CRPPA: variants seen among roughly 807,000 people sequenced by gnomAD.
The protein encoded by CRPPA is CDP-L-ribitol pyrophosphorylase A, also known as D-ribitol-5-phosphate cytidylyltransferase.
Under a neutral mutation model 52.0 loss-of-function variants are expected in CRPPA, and 43 were observed. That is an observed-to-expected ratio of 0.83 (90% CI 0.65 to 1.07). The LOEUF (loss-of-function observed/expected upper bound fraction) is 1.07, where lower values mean the gene tolerates loss of function less well. CRPPA is among the 50% of genes least tolerant of loss of function. The pLI is 0.00. For synonymous variants in CRPPA, 250 were observed against 203.5 expected (o/e 1.23, Z -1.94); for missense variants, 629 against 551.7 (o/e 1.14, Z -1.40).
In CRPPA at chr7:16,285,246, T is replaced by C. The variant is rs997955309; in HGVS notation, c.836-7020A>G. On this transcript the variant is annotated intron_variant, in intron 5 of 9. Transcript: ENST00000407010. ...AAAATCATTTTACAACCCAGAATTGTACAAATATAATAATCTAGTCTTTTG... is the reference window on the plus strand; with the variant it reads ...AAAATCATTTTACAACCCAGAATTGCACAAATATAATAATCTAGTCTTTTG... Among the ~76,000 whole-genome samples the C allele has an allele frequency of 7.9e-5, 12 of 152,268 alleles. No individual in the cohort carries two copies. In the East Asian group the frequency reaches 2.3e-3, roughly 29 times the overall value.
In CRPPA at chr7:16,216,195, A is replaced by C. The variant is rs370671327; in HGVS notation, c.1122T>G (p.Val374=). The change falls in exon 9 of 10, where the codon GTT becomes GTG. Residue 374 remains valine (V), a splice_region_variant and synonymous_variant. Coordinates refer to ENST00000407010, the MANE Select transcript of CRPPA (RefSeq NM_001101426.4). ...GTACTAATTTAAAATCAAGAAAATG[A>C]ACCTGCAAAATATAAAAGACAGTAT... ...CILYPVVVVS[V]HFLDFKLVPP... 12 of 1,559,334 alleles carry C rather than the reference A, an allele frequency of 7.7e-6. No individual in the cohort carries two copies. In the African/African-American group the frequency reaches 1.4e-4, roughly 18 times the overall value.
intron 3 of CRPPA, among the ~76,000 whole-genome samples, chr7:16,316,080 T>C (rs1785137705): frequency 1.3e-5 from 2 of 152,130 alleles, no homozygotes; most frequent in South Asian, 4.1e-4. Context: ...TAGGACATGG[T>C]AATCTATAAA....
intron 5 of CRPPA, among the ~76,000 whole-genome samples, chr7:16,289,092 T>A (rs981609724): frequency 6.6e-6 from 1 of 151,938 alleles, no homozygotes; most frequent in Non-Finnish European, 1.5e-5. Context: ...TGCTGATAAA[T>A]TGGAACACTT....
intron 9 of CRPPA, among the ~76,000 whole-genome samples, chr7:16,162,341 G>A (rs1198003047): frequency 1.3e-5 from 2 of 152,162 alleles, no homozygotes; most frequent in Non-Finnish European, 2.9e-5. Context: ...TCTAAACACT[G>A]CTTTAGCTGT....
rs1554267247 is a variant in CRPPA, at chr7:16,089,435, A to G, written c.*2260T>C. Reference sequence around the variant, plus strand: ...TATGTACGTACATACATATATGTGTATATATGTACGTGCATACATATATGT... The same window carrying G: ...TATGTACGTACATACATATATGTGTGTATATGTACGTGCATACATATATGT... On this transcript the variant is annotated 3_prime_UTR_variant, in exon 10 of 10. Coordinates refer to ENST00000407010, the MANE Select transcript of CRPPA (RefSeq NM_001101426.4). The G allele has an allele frequency of 2.8e-6, 1 of 352,168 alleles. No homozygotes were observed. Among genetic ancestry groups the G allele is most frequent in the South Asian group, 2.0e-5 (1 of 50,362 alleles). The allele number at this position is 352,168 out of a possible 1,614,324, so 21.8% of individuals were successfully genotyped here.
At chr7:16,382,031 A>C (rs984521399) in intron 2 of CRPPA, among the ~76,000 whole-genome samples, 4 of 151,706 alleles carry the variant, frequency 2.6e-5, no homozygotes, top group African/African-American at 9.7e-5. Flanking sequence ...TGATCCTGTC[A>C]TGATGATGTT....
At chr7:16,379,073 T>A (rs570649743) in intron 2 of CRPPA, among the ~76,000 whole-genome samples, 1 of 152,306 alleles carries the variant, frequency 6.6e-6, no homozygotes, top group South Asian at 2.1e-4. Flanking sequence ...TTCGCTCTGA[T>A]GGTAGTTTCT....
chr7:16,359,412 C>T lies in CRPPA; in HGVS notation c.684+16680G>A, dbSNP rs138144107. Reference sequence around the variant, plus strand: ...TTGCTTGGTAGTCAACAGTTGTCATCGTTGGAAGAATGTCAGAGCATTGCC... The same window carrying T: ...TTGCTTGGTAGTCAACAGTTGTCATTGTTGGAAGAATGTCAGAGCATTGCC... On this transcript the variant is annotated intron_variant, in intron 3 of 9. Coordinates refer to ENST00000407010, the MANE Select transcript of CRPPA (RefSeq NM_001101426.4). 3.3e-4 allele frequency among the ~76,000 whole-genome samples: 51 copies of T among 152,282 alleles called. No individual in the cohort carries two copies. The South Asian group carries it at 6.6e-3, about 20-fold the overall frequency.
chr7:16,113,198 G>A (rs929464933), intron 9 of CRPPA, among the ~76,000 whole-genome samples: 1 of 151,682 alleles, frequency 6.6e-6, no homozygotes, highest in East Asian at 1.9e-4. Context: ...AAAGAAAAAA[G>A]AATCTCAAAA....
intron 5 of CRPPA, among the ~76,000 whole-genome samples, chr7:16,286,948 T>C (rs1378570898): frequency 3.3e-5 from 5 of 152,162 alleles, no homozygotes. Context: ...CTATGCATTA[T>C]GCACCAAAAG....
intron 6 of CRPPA, among the ~76,000 whole-genome samples, chr7:16,259,368 A>G (rs1413533409): frequency 6.6e-6 from 1 of 152,008 alleles, no homozygotes; most frequent in East Asian, 1.9e-4. Context: ...TGATGATTGC[A>G]GGTATCTGGA....
chr7:16,313,376 T>C (rs1445928312), intron 3 of CRPPA, among the ~76,000 whole-genome samples: 1 of 151,966 alleles, frequency 6.6e-6, no homozygotes, highest in Non-Finnish European at 1.5e-5. Flanking sequence ...TACTCCTTTA[T>C]TATCCTTTTA....
chr7:16,102,614 A>G (rs1782069124), intron 9 of CRPPA, among the ~76,000 whole-genome samples: 3 of 152,198 alleles, frequency 2.0e-5, no homozygotes, highest in Admixed American at 1.3e-4. Flanking sequence ...TTACAAGAAA[A>G]AAAACAAACA....
chr7:16,358,979 A>G (rs1342871248), intron 3 of CRPPA, among the ~76,000 whole-genome samples: 1 of 152,216 alleles, frequency 6.6e-6, no homozygotes, highest in African/African-American at 2.4e-5. Context: ...TAAATCCATA[A>G]TGTCTAAGTT....
At chr7:16,171,464 A>G (rs1197408994) in intron 9 of CRPPA, among the ~76,000 whole-genome samples, 2 of 152,202 alleles carry the variant, frequency 1.3e-5, no homozygotes, top group Non-Finnish European at 2.9e-5. Context: ...TGTTTAGAAC[A>G]AAGAATGCAT....
At position 16,373,061 on chromosome 7, in the gene CRPPA, A is replaced by G. The variant is rs541145471; in HGVS notation, c.684+3031T>C. Among the ~76,000 whole-genome samples, 19 of 152,312 alleles carry G rather than the reference A, an allele frequency of 1.2e-4. No individual in the cohort carries two copies. In the East Asian group the frequency reaches 3.5e-3, roughly 28 times the overall value. ...TGTAATCCCAACACTTTGGGAGGCC[A>G]ACGCAGACGGTTCACCTGAGGTCAG... On this transcript the variant is annotated intron_variant, in intron 3 of 9. Transcript: ENST00000407010.
intron 3 of CRPPA, among the ~76,000 whole-genome samples, chr7:16,347,748 T>C (rs1174722282): frequency 6.6e-6 from 1 of 152,174 alleles, no homozygotes; most frequent in Non-Finnish European, 1.5e-5. Context: ...GCACAGATTC[T>C]TCCATAGGCA....
intron 6 of CRPPA, among the ~76,000 whole-genome samples, chr7:16,261,710 C>G (rs557119940): frequency 2.6e-5 from 4 of 151,972 alleles, no homozygotes; most frequent in African/African-American, 9.7e-5. Flanking sequence ...TCTGCAATCA[C>G]TGTGCCACTA....
chr7:16,303,491 A>AAAAAAAAAAAAAAAAAAAAAAAATTTT (rs766268683), intron 4 of CRPPA, among the ~76,000 whole-genome samples: 1 of 124,936 alleles, frequency 8.0e-6, no homozygotes, highest in Non-Finnish European at 1.8e-5. Flanking sequence ...AAAAAAAAAA[A>AAAAAAAAAAAAAAAAAAAAAAAATTTT]AAAAAAAAAA....
Sources: gnomAD v4.1 joint callset for allele counts (sites outside exome capture counted in the v4.1 genomes callset) on GRCh38, gnomAD v4.1.1 for gene constraint, MANE v1.5 for transcripts, NCBI Gene and HGNC (gene_info 2026-07-23, HGNC 2026-07-21) for gene names.